COLQ: variants seen among roughly 807,000 people sequenced by gnomAD.
COLQ encodes acetylcholinesterase collagenic tail peptide.
A neutral mutation model predicts 69.0 loss-of-function variants in COLQ; 48 were observed. The ratio of observed to expected loss-of-function variants is 0.70; its 90% CI spans 0.55 to 0.88. The LOEUF is 0.88. Ranked by LOEUF, COLQ falls within the 40% of genes least tolerant of loss-of-function variation. The pLI is 0.00. For synonymous variants in COLQ, 217 were observed against 211.2 expected, an observed-to-expected ratio of 1.03 and a Z score of -0.24; for missense variants, 618 against 594.6, an observed-to-expected ratio of 1.04 and a Z score of -0.41.
chr3:15,467,595 G>T (rs1418053949), intron 11 of COLQ, among the ~76,000 whole-genome samples: 1 of 152,210 alleles, frequency 6.6e-6, no homozygotes, highest in Non-Finnish European at 1.5e-5. Flanking sequence ...CTCCCTCAGG[G>T]TTGCTCTTAG....
chr3:15,489,416 A>G, intron 2 of COLQ, 109 bp downstream of exon 2: 1 of 1,024,924 alleles, frequency 9.8e-7, no homozygotes, highest in Non-Finnish European at 1.5e-6. Context: ...AGGCTCTCAG[A>G]AAAGATTCCG....
intron 1 of COLQ, among the ~76,000 whole-genome samples, chr3:15,513,860 T>A (rs1385687712): frequency 6.6e-6 from 1 of 152,140 alleles, no homozygotes; most frequent in African/African-American, 2.4e-5. Flanking sequence ...TTACCTTATA[T>A]GGAAAATGGG....
chr3:15,474,284 C>T lies in COLQ; in HGVS notation c.556-12G>A. Reference sequence around the variant, plus strand: ...TCACCTCTGGATCCCTAGGAAGAAACCATAGGAGAAAGTCAATGAGTTAAT... The same window carrying T: ...TCACCTCTGGATCCCTAGGAAGAAATCATAGGAGAAAGTCAATGAGTTAAT... On this transcript the variant is annotated splice_polypyrimidine_tract_variant and intron_variant, in intron 8 of 16. Coordinates refer to ENST00000383788, the MANE Select transcript of COLQ (RefSeq NM_005677.4). 6.2e-7 allele frequency: 1 copy of T among 1,613,748 alleles called. No homozygotes were observed. The highest frequency in any genetic ancestry group is 8.5e-7 in the Non-Finnish European group (1 of 1,179,678).
intron 1 of COLQ, among the ~76,000 whole-genome samples, chr3:15,510,781 TGGAGG>T (rs1282958917): frequency 3.0e-4 from 5 of 16,648 alleles, no homozygotes; most frequent in African/African-American, 1.1e-3. Context: ...GGGAGGGGAA[TGGAGG>T]GGAGGGGAGG....
chr3:15,470,440 G>T, intron 11 of COLQ, 96 bp downstream of exon 11: 2 of 1,110,074 alleles, frequency 1.8e-6, no homozygotes, highest in Non-Finnish European at 2.8e-6. Flanking sequence ...AAGGTCTACA[G>T]AATATCTCTG....
chr3:15,517,677 C>A (rs937528702), intron 1 of COLQ, among the ~76,000 whole-genome samples: 12 of 152,168 alleles, frequency 7.9e-5, no homozygotes, highest in African/African-American at 2.7e-4. Context: ...TACCAAGTGT[C>A]ACGGTGGTTT....
chr3:15,453,617 G>A (rs1033938497), intron 16 of COLQ, among the ~76,000 whole-genome samples: 8 of 152,202 alleles, frequency 5.3e-5, no homozygotes, highest in East Asian at 1.9e-4. Context: ...TGTGGGTGCC[G>A]TGGCTCAGTC....
rs760669036 is a variant in COLQ, at chr3:15,470,547, G to A, written c.706C>T (p.Arg236Ter). 9 of 1,613,776 alleles carry A rather than the reference G, an allele frequency of 5.6e-6. No individual in the cohort carries two copies. Among genetic ancestry groups the A allele is most frequent in the East Asian group, 2.2e-5 (1 of 44,880 alleles). ...CCTGGGATCCTTACCTGCTTGCCTC[G>A]TTTTCCTGGTCTTCCTGTGGGTCCT... Reference protein sequence around the residue: ...HRGPTGRPGKRGKQGQKGDSG... With the variant: ...HRGPTGRPGK Residue 236 changes from arginine (R) to a stop codon, truncating the protein, a stop_gained, in exon 11 of 17, where the codon CGA (arginine) becomes TGA (stop). Transcript: ENST00000383788. LOFTEE classifies it high-confidence loss of function.
intron 1 of COLQ, among the ~76,000 whole-genome samples, chr3:15,513,603 T>G (rs754971946): frequency 9.2e-5 from 14 of 152,188 alleles, no homozygotes; most frequent in Non-Finnish European, 1.9e-4. Context: ...TTGCCTTCTC[T>G]TCCCTGTCTC....
rs1196640073 is a variant in COLQ, at chr3:15,451,548, G to T, written c.*96C>A. 2.6e-6 allele frequency: 3 copies of T among 1,132,854 alleles called. No homozygotes were observed. The highest frequency in any genetic ancestry group is 3.1e-5 in the African/African-American group (2 of 65,458). 70.2% of individuals were successfully genotyped at this position (1,132,854 alleles called of 1,614,324 possible). A position where few individuals can be genotyped will look rare whatever the true frequency, so the allele number is the denominator to read the frequency against. On this transcript the variant is annotated 3_prime_UTR_variant, in exon 17 of 17. Transcript: ENST00000383788. ...TTGTCCTTGTTTTTGTCACACAAAGGTTGGTGGAGACGGGGCCAGGACATG... is the reference window on the plus strand; with the variant it reads ...TTGTCCTTGTTTTTGTCACACAAAGTTTGGTGGAGACGGGGCCAGGACATG...
At chr3:15,502,657 G>T (rs1055751558) in intron 1 of COLQ, among the ~76,000 whole-genome samples, 2 of 152,068 alleles carry the variant, frequency 1.3e-5, no homozygotes, top group African/African-American at 4.8e-5. Flanking sequence ...CCTGTGATCT[G>T]CCCACCTTGG....
At position 15,503,429 on chromosome 3, in the gene COLQ, C is replaced by T. The variant is rs530867919; in HGVS notation, c.107-13792G>A. Among the ~76,000 whole-genome samples the T allele has an allele frequency of 3.9e-5, 6 of 152,274 alleles. No individual in the cohort carries two copies. The South Asian group carries it at 1.2e-3, about 32-fold the overall frequency. On this transcript the variant is annotated intron_variant, in intron 1 of 16. Coordinates refer to ENST00000383788, the MANE Select transcript of COLQ (RefSeq NM_005677.4). The stretch of plus-strand genomic sequence containing the variant: ...ACTCAATTCCTGGGGGACAGTGGAG[C>T]CACGGGATGTAAAGGGCCTGCACCC...
At chr3:15,462,479 A>G (rs927153262) in intron 12 of COLQ, among the ~76,000 whole-genome samples, 10 of 151,754 alleles carry the variant, frequency 6.6e-5, no homozygotes, top group Admixed American at 5.2e-4. Context: ...GGCTCAAAGG[A>G]CGGAATGGGG....
rs1250359584 is a variant in COLQ at position 15,473,221 on chromosome 3, T to C, written c.636+779A>G. ...AGGCTGGAGTGCAGTGGTGCAATCA[T>C]GGCTTACCGCAGCTTTGACTCCTGG... On this transcript the variant is annotated intron_variant, in intron 10 of 16. Coordinates refer to ENST00000383788, the MANE Select transcript of COLQ (RefSeq NM_005677.4). This position sits in a 1 kb window ranked among gnomAD's most constrained non-coding sequence, Gnocchi z 4.0. Among the ~76,000 whole-genome samples, 2 of 152,178 alleles carry C rather than the reference T, an allele frequency of 1.3e-5. No homozygotes were observed. The highest frequency in any genetic ancestry group is 3.8e-4 in the East Asian group (2 of 5,200).
chr3:15,512,787 C>G (rs889203449), intron 1 of COLQ, among the ~76,000 whole-genome samples: 1 of 152,212 alleles, frequency 6.6e-6, no homozygotes. Flanking sequence ...ACCACTTAAT[C>G]CTTACAACTT....
At position 15,488,279 on chromosome 3, in the gene COLQ, A is replaced by C. The variant is rs901287881; in HGVS notation, c.248T>G (p.Met83Arg). Residue 83 changes from methionine to arginine, a missense_variant, in exon 3 of 17, where the codon ATG becomes AGG. Physicochemically the swap from Met to Arg is moderately conservative, Grantham distance 91. Coordinates refer to ENST00000383788, the MANE Select transcript of COLQ (RefSeq NM_005677.4). Reference protein sequence around the residue: ...PLLSPDMKNLMLELETSQSPC... With the variant: ...PLLSPDMKNLRLELETSQSPC... ...GGACTGCGAGGTCTCCAGTTCCAGC[A>C]TGAGATTCTTCATGTCTGGGGAGAG... 2.5e-6 allele frequency: 4 copies of C among 1,613,594 alleles called. No individual in the cohort carries two copies. The highest frequency in any genetic ancestry group is 2.5e-6 in the Non-Finnish European group (3 of 1,180,004).
chr3:15,477,490 C>T (rs1022801127), intron 5 of COLQ: 170 of 417,608 alleles, frequency 4.1e-4, no homozygotes, highest in Non-Finnish European at 6.8e-4. Flanking sequence ...AAGTCCCCTG[C>T]GTTCCAATGG....
At chr3:15,483,079 C>T (rs6801382) in intron 3 of COLQ, among the ~76,000 whole-genome samples, 2 of 151,730 alleles carry the variant, frequency 1.3e-5, no homozygotes, top group African/African-American at 2.4e-5. Flanking sequence ...TTTTTTATTG[C>T]GTCTATTTGA....
intron 16 of COLQ, 77 bp downstream of exon 16, chr3:15,453,752 T>G (rs1415980358): frequency 2.0e-6 from 2 of 979,118 alleles, no homozygotes; most frequent in African/African-American, 3.2e-5. Context: ...CTCAAAATAT[T>G]TGTGAAGGAA....
Sources: gnomAD v4.1 joint callset for allele counts (sites outside exome capture counted in the v4.1 genomes callset) on GRCh38, gnomAD v4.1.1 for gene constraint, Gnocchi (gnomAD v3.1) non-coding constraint, MANE v1.5 for transcripts, NCBI Gene and HGNC (gene_info 2026-07-23, HGNC 2026-07-21) for gene names.